ELMO1: variants seen among roughly 807,000 people sequenced by gnomAD.
ELMO1 encodes engulfment and cell motility 1.
ELMO1 carries 26 observed loss-of-function variants against 98.9 expected under a neutral mutation model. The observed-to-expected ratio is 0.26, with a 90% CI of 0.19 to 0.36. ELMO1 has a LOEUF of 0.36. Among genes scored for constraint, ELMO1 ranks in the 10% least tolerant of loss-of-function variants. The pLI is 1.00. For missense variants in ELMO1, 627 were observed against 935.2 expected (o/e 0.67, Z 4.30); for synonymous variants, 346 against 346.0 (o/e 1.00, Z 0.00).
chr7:37,068,747 C>T (rs996818180), intron 15 of ELMO1, among the ~76,000 whole-genome samples: 1 of 152,004 alleles, frequency 6.6e-6, no homozygotes, highest in Non-Finnish European at 1.5e-5. Context: ...GATAGTGGTG[C>T]TCACTAAAGC....
rs114532013 is a variant in ELMO1, at chr7:36,972,249, C to T, written c.1437+41050G>A. On this transcript the variant is annotated intron_variant, in intron 16 of 21. Coordinates refer to ENST00000310758, the MANE Select transcript of ELMO1 (RefSeq NM_014800.11). The stretch of plus-strand genomic sequence containing the variant: ...AAGAGCTCTGGCTTCAGTCTTTGAC[C>T]TTAATTGCTCTTACGGGAAGGAGAT... Among the ~76,000 whole-genome samples the T allele has an allele frequency of 3.8e-3, 585 of 152,300 alleles. 5 individuals are homozygous for T. The highest frequency in any genetic ancestry group is 0.013 in the African/African-American group (555 of 41,554).
chr7:37,405,106 C>T (rs1438846194), intron 1 of ELMO1, among the ~76,000 whole-genome samples: 3 of 152,010 alleles, frequency 2.0e-5, no homozygotes, highest in Non-Finnish European at 4.4e-5. Flanking sequence ...CTGAAATGGT[C>T]GTGTGAGAAA....
intron 1 of ELMO1, among the ~76,000 whole-genome samples, chr7:37,442,035 G>A (rs1805434108): frequency 6.6e-6 from 1 of 152,176 alleles, no homozygotes; most frequent in South Asian, 2.1e-4. Context: ...CAAAGCAGCA[G>A]TTCTCAGCTT....
intron 15 of ELMO1, chr7:37,033,473 T>C (rs1794991868): frequency 2.2e-6 from 1 of 448,658 alleles, no homozygotes; most frequent in Non-Finnish European, 4.4e-6. Flanking sequence ...AACCAATGTC[T>C]AGGCCATGTG....
At chr7:37,439,551 C>CT (rs1562693319) in intron 1 of ELMO1, among the ~76,000 whole-genome samples, 2 of 152,352 alleles carry the variant, frequency 1.3e-5, no homozygotes, top group African/African-American at 4.8e-5. Context: ...AGCAAAGTGG[C>CT]TGTTGACTGA....
Position 37,147,549 on chromosome 7 carries a change from C to T in ELMO1, c.1087-14315G>A, listed in dbSNP as rs117839177. Among the ~76,000 whole-genome samples the T allele has an allele frequency of 2.9e-4, 44 of 152,254 alleles. No individual in the cohort carries two copies. In the East Asian group the frequency reaches 7.5e-3, roughly 26 times the overall value. The stretch of plus-strand genomic sequence containing the variant: ...TCTGAAACCAAGCAGAGTCCATGAC[C>T]GTTCAATTTATCAACTAAGAGTTGG... On this transcript the variant is annotated intron_variant, in intron 13 of 21. Coordinates refer to ENST00000310758, the MANE Select transcript of ELMO1 (RefSeq NM_014800.11).
chr7:37,403,059 T>C (rs970148719), intron 1 of ELMO1, among the ~76,000 whole-genome samples: 1 of 152,248 alleles, frequency 6.6e-6, no homozygotes, highest in Non-Finnish European at 1.5e-5. Context: ...TGTCCTTCCA[T>C]AGACGAATGA....
At chr7:37,347,184 T>C (rs1284942328) in intron 1 of ELMO1, among the ~76,000 whole-genome samples, 1 of 152,238 alleles carries the variant, frequency 6.6e-6, no homozygotes. Context: ...CTTTATCCTC[T>C]TAAATTTATG....
At position 37,293,016 on chromosome 7, in the gene ELMO1, A is replaced by G. The variant is rs367748086; in HGVS notation, c.193-21134T>C. ...TGGGAAGTGAGGAGCCACTCTGCCC[A>G]GCCAGCCGCCCCGTCCGGGAGGGAG... On this transcript the variant is annotated intron_variant, in intron 4 of 21. Transcript: ENST00000310758. Among the ~76,000 whole-genome samples, 329 of 44,124 alleles carry G rather than the reference A, an allele frequency of 7.5e-3. 1 individual carries two copies. The highest frequency in any genetic ancestry group is 0.027 in the South Asian group (17 of 624). The allele number at this position is 44,124 out of a possible 152,430, so 28.9% of individuals were successfully genotyped here. A position where few individuals can be genotyped will look rare whatever the true frequency, so the allele number is the denominator to read the frequency against.
At chr7:37,039,147 T>C (rs962041229) in intron 15 of ELMO1, among the ~76,000 whole-genome samples, 2 of 152,186 alleles carry the variant, frequency 1.3e-5, no homozygotes, top group African/African-American at 4.8e-5. Context: ...AAAAAAGATT[T>C]AGTTTGCAAG....
intron 1 of ELMO1, among the ~76,000 whole-genome samples, chr7:37,446,825 C>T (rs1037362568): frequency 6.6e-6 from 1 of 152,120 alleles, no homozygotes; most frequent in Non-Finnish European, 1.5e-5. Context: ...AATTTACCAA[C>T]CTAATAAAAA....
At chr7:37,039,695 C>G (rs1432192723) in intron 15 of ELMO1, among the ~76,000 whole-genome samples, 1 of 152,204 alleles carries the variant, frequency 6.6e-6, no homozygotes, top group East Asian at 1.9e-4. Context: ...CCAGTTGACT[C>G]TATTTCAGCC....
intron 16 of ELMO1, among the ~76,000 whole-genome samples, chr7:36,951,365 G>T (rs994402901): frequency 7.2e-5 from 11 of 152,188 alleles, no homozygotes; most frequent in African/African-American, 2.7e-4. Context: ...CGGCCAAAAT[G>T]GTCTTGGTTT....
At chr7:37,183,564 G>C (rs1791015600) in intron 13 of ELMO1, among the ~76,000 whole-genome samples, 2 of 123,992 alleles carry the variant, frequency 1.6e-5, no homozygotes, top group Admixed American at 8.2e-5. Context: ...CCAGAAGAGA[G>C]AGAGAGAAAT....
At chr7:36,891,486 C>T (rs556141473) in intron 17 of ELMO1, among the ~76,000 whole-genome samples, 1 of 152,272 alleles carries the variant, frequency 6.6e-6, no homozygotes, top group African/African-American at 2.4e-5. Context: ...CCATGGATTT[C>T]TATTGTCCTT....
intron 15 of ELMO1, among the ~76,000 whole-genome samples, chr7:37,026,718 C>T (rs1794598112): frequency 6.6e-6 from 1 of 152,180 alleles, no homozygotes; most frequent in African/African-American, 2.4e-5. Flanking sequence ...GAGTCAACCT[C>T]CAAAGCCCAG....
chr7:37,163,184 A>T (rs1235090067), intron 13 of ELMO1, among the ~76,000 whole-genome samples: 1 of 152,194 alleles, frequency 6.6e-6, no homozygotes, highest in Non-Finnish European at 1.5e-5. Context: ...TTAGAAGGTC[A>T]TCCTTAAATC....
intron 1 of ELMO1, among the ~76,000 whole-genome samples, chr7:37,443,619 C>G (rs1335305754): frequency 6.6e-6 from 1 of 152,208 alleles, no homozygotes; most frequent in Non-Finnish European, 1.5e-5. Context: ...AGCACTAAGA[C>G]ACAAGTAGTT....
At chr7:37,048,596 G>A (rs572166979) in intron 15 of ELMO1, among the ~76,000 whole-genome samples, 29 of 152,270 alleles carry the variant, frequency 1.9e-4, no homozygotes, top group Admixed American at 7.2e-4. Context: ...AACATGGATC[G>A]TTTATTTTAT....
Sources: allele counts gnomAD v4.1 joint callset (sites outside exome capture counted in the v4.1 genomes callset), GRCh38; gene constraint gnomAD v4.1.1; transcripts MANE v1.5; gene names NCBI Gene and HGNC (gene_info 2026-07-23, HGNC 2026-07-21).